The following ARHGAP35 variants were observed in gnomAD, a reference collection of about 807,000 sequenced individuals.
ARHGAP35 encodes the protein rho GTPase-activating protein 35.
A neutral mutation model predicts 111.1 loss-of-function variants in ARHGAP35; 15 were observed. That is an observed-to-expected ratio of 0.13 (90% confidence interval 0.09 to 0.21). ARHGAP35 has a LOEUF of 0.21. Among genes scored for constraint, ARHGAP35 ranks in the 10% least tolerant of loss-of-function variants. The pLI, the probability that ARHGAP35 is intolerant of heterozygous loss-of-function variation, is 1.00. For missense variants in ARHGAP35, 1,262 were observed against 1,873.0 expected, an observed-to-expected ratio of 0.67 and a Z score of 6.02; for synonymous variants, 643 against 710.3, an observed-to-expected ratio of 0.91 and a Z score of 1.51.
chr19:46,924,922 T>C (rs1182957370), intron 2 of ARHGAP35, among the ~76,000 whole-genome samples: 1 of 152,252 alleles, frequency 6.6e-6, no homozygotes, highest in African/African-American at 2.4e-5. Context: ...AGCCAGGCTT[T>C]AAAGAGCACA....
rs558525952 is a variant in ARHGAP35, at chr19:46,861,936, C to A, written c.-189+727C>A. Among the ~76,000 whole-genome samples, 1,199 of 152,262 alleles carry A rather than the reference C, an allele frequency of 7.9e-3. 9 individuals are homozygous for A. The highest frequency in any genetic ancestry group is 0.027 in the African/African-American group (1,123 of 41,532). ...CCTACTACCCGCATTTCTTGTCTGC[C>A]CTCTCGCAGAGCCTGCTGCACCCCG... On this transcript the variant is annotated intron_variant, in intron 1 of 6. Transcript: ENST00000672722.
Position 46,918,945 on chromosome 19 carries a change from G to A in ARHGAP35, c.270G>A (p.Lys90=), listed in dbSNP as rs2056180182. Residue 90 remains lysine (K), a synonymous_variant, in exon 2 of 7, where the codon AAG becomes AAA. Transcript: ENST00000672722. This position sits in a 1 kb window ranked among gnomAD's most constrained non-coding sequence, Gnocchi z 5.4. ...SRSLEDCVEC[K]MHIVEQTEFI... ...CCCTGGAGGATTGTGTGGAATGTAA[G>A]ATGCACATTGTGGAGCAGACTGAAT... The A allele has an allele frequency of 1.2e-6, 2 of 1,614,006 alleles. No individual in the cohort carries two copies. The highest frequency in any genetic ancestry group is 8.5e-7 in the Non-Finnish European group (1 of 1,179,896).
At position 47,000,145 on chromosome 19, in the gene ARHGAP35, G is replaced by A. The variant is rs189377996; in HGVS notation, c.4143-186G>A. ...GTTGGCCATGTAGAGGCACTGGGCT[G>A]GAGGGGAGAGGACACTGAGGGCGCA... On this transcript the variant is annotated intron_variant, in intron 6 of 6. Transcript: ENST00000672722. The surrounding 1 kb of genome is among the most constrained non-coding windows in gnomAD (Gnocchi z 6.9). Among the ~76,000 whole-genome samples, 50 of 152,322 alleles carry A rather than the reference G, an allele frequency of 3.3e-4. No homozygotes were observed. In the East Asian group the frequency reaches 9.3e-3, roughly 28 times the overall value.
chr19:46,950,694 G>A lies in ARHGAP35; in HGVS notation c.3826+13286G>A, dbSNP rs146241493. Among the ~76,000 whole-genome samples the A allele has an allele frequency of 3.9e-5, 6 of 152,232 alleles. No individual in the cohort carries two copies. In the East Asian group the frequency reaches 5.8e-4, roughly 15 times the overall value. On this transcript the variant is annotated intron_variant, in intron 3 of 6. Transcript: ENST00000672722. ...ACCACATTCTTGCCCCAGCTGGATCGTTGCCATCTACTGAGGCCTGGCTGG... is the reference window on the plus strand; with the variant it reads ...ACCACATTCTTGCCCCAGCTGGATCATTGCCATCTACTGAGGCCTGGCTGG...
At chr19:46,953,894 C>G (rs142274832) in intron 3 of ARHGAP35, among the ~76,000 whole-genome samples, 41 of 152,368 alleles carry the variant, frequency 2.7e-4, no homozygotes, top group African/African-American at 9.9e-4. Flanking sequence ...TTGTTAAACA[C>G]TGTTCCTGCT....
intron 3 of ARHGAP35, among the ~76,000 whole-genome samples, chr19:46,975,225 A>G (rs1003386643): frequency 1.3e-5 from 2 of 152,154 alleles, no homozygotes; most frequent in African/African-American, 4.8e-5. Context: ...GGAAATTCCA[A>G]GACTTTGGGG....
intron 3 of ARHGAP35, among the ~76,000 whole-genome samples, chr19:46,978,686 G>GGTGTGTGTGTGGTGGGAT (rs139649951): frequency 5.7e-4 from 46 of 80,058 alleles, no homozygotes; most frequent in Non-Finnish European, 6.9e-4. Flanking sequence ...TGTGTGGTGG[G>GGTGTGTGTGTGGTGGGAT]ATGTGTGTGT....
rs1161449039 is a variant in ARHGAP35, at chr19:46,992,902, T to C, written c.4036+3227T>C. Among the ~76,000 whole-genome samples the C allele has an allele frequency of 6.6e-6, 1 of 152,230 alleles. No individual in the cohort carries two copies. The highest frequency in any genetic ancestry group is 1.5e-5 in the Non-Finnish European group (1 of 68,036). On this transcript the variant is annotated intron_variant, in intron 5 of 6. Coordinates refer to ENST00000672722, the MANE Select transcript of ARHGAP35 (RefSeq NM_004491.5). This position sits in a 1 kb window ranked among gnomAD's most constrained non-coding sequence, Gnocchi z 4.4. The stretch of plus-strand genomic sequence containing the variant: ...ACCAGGGGACGGCCCTGCTGCTCTC[T>C]GGGCTCTTGTTCACCAGCTGCCTTG...
At position 46,912,721 on chromosome 19, in the gene ARHGAP35, A is replaced by G. The variant is rs114193786; in HGVS notation, c.-188-5767A>G. ...TGGCCTATTTGGTAAGTATTAATAC[A>G]TTCCTCTGGAAAACTTCCATGTCTA... On this transcript the variant is annotated intron_variant, in intron 1 of 6. Transcript: ENST00000672722. 2.1e-3 allele frequency among the ~76,000 whole-genome samples: 315 copies of G among 152,190 alleles called. 1 individual carries two copies. The highest frequency in any genetic ancestry group is 7.1e-3 in the African/African-American group (295 of 41,538).
At chr19:46,923,711 G>A (rs1387883983) in intron 2 of ARHGAP35, among the ~76,000 whole-genome samples, 1 of 151,716 alleles carries the variant, frequency 6.6e-6, no homozygotes, top group East Asian at 1.9e-4. Context: ...TTGAGGTCAG[G>A]AGTTTGAGAC....
chr19:46,996,743 A>G (rs190869735), intron 5 of ARHGAP35, among the ~76,000 whole-genome samples: 3 of 152,300 alleles, frequency 2.0e-5, no homozygotes, highest in Admixed American at 1.3e-4. Context: ...TACACCACAC[A>G]CATGCTGCTT....
At chr19:46,879,683 G>A (rs1208889411) in intron 1 of ARHGAP35, among the ~76,000 whole-genome samples, 1 of 135,232 alleles carries the variant, frequency 7.4e-6, no homozygotes, top group African/African-American at 2.7e-5. Context: ...ACTCAGGAGG[G>A]TGAGGCAGGA....
intron 3 of ARHGAP35, among the ~76,000 whole-genome samples, chr19:46,963,949 T>C (rs762816393): frequency 1.3e-5 from 2 of 151,254 alleles, no homozygotes; most frequent in Non-Finnish European, 3.0e-5. Flanking sequence ...CTCACTGCAA[T>C]GTCCGCCTCC....
chr19:46,987,435 G>A (rs1248611171), intron 3 of ARHGAP35, among the ~76,000 whole-genome samples: 2 of 150,338 alleles, frequency 1.3e-5, no homozygotes, highest in South Asian at 2.1e-4. Context: ...GGCTGGTCTC[G>A]AACTCCTGAC....
In ARHGAP35 at chr19:46,864,287, T is replaced by TC. The variant is rs2055844289; in HGVS notation, c.-189+3078_-189+3079insC. On this transcript the variant is annotated intron_variant, in intron 1 of 6. Transcript: ENST00000672722. ...TATTTAGTTCATTCAGGGGTAGAGG[T>TC]GGTTTTTACAGAAAATCTGTCCAAC... Among the ~76,000 whole-genome samples the TC allele has an allele frequency of 4.6e-5, 7 of 152,324 alleles. No individual in the cohort carries two copies. In the South Asian group the frequency reaches 1.4e-3, roughly 32 times the overall value.
chr19:46,878,850 GCCTT>G (rs2055941447), intron 1 of ARHGAP35, among the ~76,000 whole-genome samples: 1 of 152,154 alleles, frequency 6.6e-6, no homozygotes, highest in Non-Finnish European at 1.5e-5. Flanking sequence ...GGAGGGTCCT[GCCTT>G]GATGCTGATG....
chr19:46,935,642 C>G (rs1240435496), intron 2 of ARHGAP35, among the ~76,000 whole-genome samples: 1 of 152,220 alleles, frequency 6.6e-6, no homozygotes, highest in Non-Finnish European at 1.5e-5. Context: ...GGGCTGTGCA[C>G]ATTTCTGAGT....
chr19:46,930,220 G>A (rs1416882176), intron 2 of ARHGAP35, among the ~76,000 whole-genome samples: 1 of 151,792 alleles, frequency 6.6e-6, no homozygotes, highest in Non-Finnish European at 1.5e-5. Context: ...TTATCTGGGC[G>A]CGGTGGCACA....
intron 5 of ARHGAP35, chr19:46,998,964 G>A: frequency 3.9e-6 from 1 of 255,082 alleles, no homozygotes; most frequent in Non-Finnish European, 7.5e-6. Context: ...TTCTGCGTAG[G>A]GATGCCTGTC....
Sources: allele counts gnomAD v4.1 joint callset (sites outside exome capture counted in the v4.1 genomes callset), GRCh38; gene constraint gnomAD v4.1.1; non-coding constraint Gnocchi (gnomAD v3.1); transcripts MANE v1.5; gene names NCBI Gene and HGNC (gene_info 2026-07-23, HGNC 2026-07-21).